SPTBN1: variants seen among roughly 807,000 people sequenced by gnomAD.
The protein encoded by SPTBN1 is spectrin beta, non-erythrocytic 1.
Under a neutral mutation model 266.4 loss-of-function variants are expected in SPTBN1, and 32 were observed. The ratio of observed to expected loss-of-function variants is 0.12; its 90% CI spans 0.09 to 0.16. SPTBN1 has a LOEUF of 0.16. Among genes scored for constraint, SPTBN1 ranks in the 10% least tolerant of loss-of-function variants. The pLI, the probability that SPTBN1 is intolerant of heterozygous loss-of-function variation, is 1.00. For synonymous variants in SPTBN1, 1,336 were observed against 1,162.2 expected (o/e 1.15, Z -3.04); for missense variants, 2,296 against 3,067.1 (o/e 0.75, Z 5.94).
At chr2:54,618,002 G>A (rs1335266977) in intron 6 of SPTBN1, 76 bp from the exon 7 acceptor site, 6 of 1,188,904 alleles carry the variant, frequency 5.0e-6, no homozygotes, top group Admixed American at 2.0e-5. Flanking sequence ...CCTTTTTGGA[G>A]TAACAGTCAT....
intron 1 of SPTBN1, among the ~76,000 whole-genome samples, chr2:54,498,441 G>A (rs1383947437): frequency 2.0e-5 from 3 of 152,224 alleles, no homozygotes; most frequent in Admixed American, 6.5e-5. Context: ...CTTCACTATC[G>A]TTTACCTCTG....
intron 1 of SPTBN1, among the ~76,000 whole-genome samples, chr2:54,463,793 G>C (rs1426393045): frequency 1.3e-5 from 2 of 152,132 alleles, no homozygotes; most frequent in African/African-American, 4.8e-5. Context: ...ATAATGCTAA[G>C]TTCCATCTGT....
At chr2:54,549,906 C>T (rs1672467175) in intron 2 of SPTBN1, among the ~76,000 whole-genome samples, 1 of 152,170 alleles carries the variant, frequency 6.6e-6, no homozygotes, top group East Asian at 1.9e-4. Context: ...TGGGGACAGA[C>T]ATTTATTGAG....
In SPTBN1 at chr2:54,530,353, C is replaced by CTTTTTTTTTTTTTTTTTTTTTT. The variant is rs549491367; in HGVS notation, c.148+3789_148+3810dup. ...TAGGTTATCTGTGAATTGTAAAAAACTTTTTTTTTTTTTTTTTTTTTTTGA... is the reference window on the plus strand; with the variant it reads ...TAGGTTATCTGTGAATTGTAAAAAACTTTTTTTTTTTTTTTTTTTTTTTTTTTTTTTTTTTTTTTTTTTTTGA... On this transcript the variant is annotated intron_variant, in intron 2 of 35. Transcript: ENST00000356805. Among the ~76,000 whole-genome samples, 14 of 73,882 alleles carry CTTTTTTTTTTTTTTTTTTTTTT rather than the reference C, an allele frequency of 1.9e-4. 4 individuals are homozygous for CTTTTTTTTTTTTTTTTTTTTTT. Among genetic ancestry groups the CTTTTTTTTTTTTTTTTTTTTTT allele is most frequent in the Non-Finnish European group, 2.6e-4 (11 of 41,788 alleles). The allele number at this position is 73,882 out of a possible 152,430, so 48.5% of individuals were successfully genotyped here. A position where few individuals can be genotyped will look rare whatever the true frequency, so the allele number is the denominator to read the frequency against.
intron 2 of SPTBN1, among the ~76,000 whole-genome samples, chr2:54,543,396 C>A (rs1297616846): frequency 6.6e-6 from 1 of 152,128 alleles, no homozygotes; most frequent in African/African-American, 2.4e-5. Context: ...AAAAGGCCTT[C>A]CATATTGAGA....
chr2:54,641,633 C>CA (rs1306910507), intron 18 of SPTBN1, among the ~76,000 whole-genome samples: 2 of 152,106 alleles, frequency 1.3e-5, no homozygotes, highest in Admixed American at 1.3e-4. Context: ...AGAGTGAAAT[C>CA]AAAAATCTCA....
intron 2 of SPTBN1, among the ~76,000 whole-genome samples, chr2:54,578,770 G>T (rs1354336738): frequency 6.6e-6 from 1 of 151,912 alleles, no homozygotes; most frequent in Non-Finnish European, 1.5e-5. Flanking sequence ...GTGTGTGTGT[G>T]TGTGTGTGAT....
rs141429980 is a variant in SPTBN1 at position 54,459,365 on chromosome 2, A to G, written c.-48+2847A>G. 4.9e-3 allele frequency among the ~76,000 whole-genome samples: 753 copies of G among 152,340 alleles called. 8 individuals are homozygous for G. Among genetic ancestry groups the G allele is most frequent in the African/African-American group, 0.017 (723 of 41,572 alleles). On this transcript the variant is annotated intron_variant, in intron 1 of 35. Coordinates refer to ENST00000356805, the MANE Select transcript of SPTBN1 (RefSeq NM_003128.3). ...GAGAAGACCTCCCTCTACTTGTGACACATCCTGAGCAGAGGCTTGGCATTG... is the reference window on the plus strand; with the variant it reads ...GAGAAGACCTCCCTCTACTTGTGACGCATCCTGAGCAGAGGCTTGGCATTG...
intron 1 of SPTBN1, among the ~76,000 whole-genome samples, chr2:54,522,729 A>G (rs1670557879): frequency 6.6e-6 from 1 of 150,840 alleles, no homozygotes; most frequent in Non-Finnish European, 1.5e-5. Flanking sequence ...AGAAAGAAAG[A>G]AAGAAATCTG....
At chr2:54,538,340 G>GCAT (rs1055568485) in intron 2 of SPTBN1, among the ~76,000 whole-genome samples, 1 of 152,158 alleles carries the variant, frequency 6.6e-6, no homozygotes, top group Non-Finnish European at 1.5e-5. Context: ...CAAGAACCAA[G>GCAT]CATCACTCTT....
rs539839424 is a variant in SPTBN1 at position 54,642,934 on chromosome 2, G to A, written c.3859-49G>A. Reference sequence around the variant, plus strand: ...CACAACCCTTTCCAGGCGGAAAAAAGGCTGATGTCTAGGATCACAATCTCT... The same window carrying A: ...CACAACCCTTTCCAGGCGGAAAAAAAGCTGATGTCTAGGATCACAATCTCT... On this transcript the variant is annotated intron_variant, in intron 18 of 35. Coordinates refer to ENST00000356805, the MANE Select transcript of SPTBN1 (RefSeq NM_003128.3). The A allele has an allele frequency of 1.8e-5, 28 of 1,584,732 alleles. No homozygotes were observed. In the African/African-American group the frequency reaches 3.0e-4, roughly 17 times the overall value.
chr2:54,456,907 C>A (rs1315709971), intron 1 of SPTBN1, among the ~76,000 whole-genome samples: 1 of 150,708 alleles, frequency 6.6e-6, no homozygotes, highest in East Asian at 2.0e-4. Flanking sequence ...GACGCGGAGG[C>A]CCCTGGCGCG....
At chr2:54,557,668 C>G (rs762402922) in intron 2 of SPTBN1, 7 of 964,782 alleles carry the variant, frequency 7.3e-6, no homozygotes, top group Admixed American at 6.2e-5. Flanking sequence ...CGGTGTTTAC[C>G]TGTGTACCTT....
At chr2:54,602,801 A>AT (rs1260351262) in intron 3 of SPTBN1, among the ~76,000 whole-genome samples, 1 of 152,202 alleles carries the variant, frequency 6.6e-6, no homozygotes, top group Non-Finnish European at 1.5e-5. Flanking sequence ...GAGAAGATAG[A>AT]TTTAACATGA....
chr2:54,524,873 G>A (rs1192035656), intron 1 of SPTBN1, among the ~76,000 whole-genome samples: 1 of 152,090 alleles, frequency 6.6e-6, no homozygotes, highest in Non-Finnish European at 1.5e-5. Flanking sequence ...TTGACATTGA[G>A]TTCTCAGTTT....
At chr2:54,650,213 T>A (rs1680182496) in intron 26 of SPTBN1, among the ~76,000 whole-genome samples, 1 of 152,216 alleles carries the variant, frequency 6.6e-6, no homozygotes, top group Admixed American at 6.5e-5. Flanking sequence ...GCCCCCATGA[T>A]TAAAATAAAT....
chr2:54,628,186 C>A lies in SPTBN1; in HGVS notation c.1734C>A (p.Gly578=). ...QKHTLVEADI[G]IQAERVRGVN... is the part of the protein sequence containing the mutation. ...ACACCCTGGTTGAAGCAGACATTGG[C>A]ATCCAGGCAGAGCGGGTGAGAGGTG... The change falls in exon 13 of 36, where the codon GGC becomes GGA. Residue 578 remains glycine, a synonymous_variant. Coordinates refer to ENST00000356805, the MANE Select transcript of SPTBN1 (RefSeq NM_003128.3). This position sits in a 1 kb window ranked among gnomAD's most constrained non-coding sequence, Gnocchi z 4.3. 1 of 1,614,112 alleles carries A rather than the reference C, an allele frequency of 6.2e-7. No individual in the cohort carries two copies. The highest frequency in any genetic ancestry group is 8.5e-7 in the Non-Finnish European group (1 of 1,179,986).
chr2:54,530,572 C>T (rs764104883), intron 2 of SPTBN1, among the ~76,000 whole-genome samples: 1 of 151,644 alleles, frequency 6.6e-6, no homozygotes, highest in South Asian at 2.1e-4. Context: ...TTATCCAGGA[C>T]GGTCTCGATC....
intron 2 of SPTBN1, among the ~76,000 whole-genome samples, chr2:54,542,768 G>A (rs1672011385): frequency 6.6e-6 from 1 of 152,150 alleles, no homozygotes; most frequent in Non-Finnish European, 1.5e-5. Flanking sequence ...GACTTCCTAG[G>A]ACATGCTCTC....
Sources: allele counts gnomAD v4.1 joint callset (sites outside exome capture counted in the v4.1 genomes callset), GRCh38; gene constraint gnomAD v4.1.1; non-coding constraint Gnocchi (gnomAD v3.1); transcripts MANE v1.5; gene names NCBI Gene and HGNC (gene_info 2026-07-23, HGNC 2026-07-21).